Variants in POFUT2 observed in about 807,000 individuals in gnomAD.
POFUT2 encodes the protein protein O-fucosyltransferase 2, also known as GDP-fucose protein O-fucosyltransferase 2.
POFUT2 carries 30 observed loss-of-function variants against 55.0 expected under a neutral mutation model. The observed-to-expected ratio is 0.55, with a 90% CI of 0.41 to 0.74. The LOEUF is 0.74. Among genes scored for constraint, POFUT2 ranks in the 30% least tolerant of loss-of-function variants. The pLI is 0.00. For missense variants in POFUT2, 524 were observed against 562.6 expected (o/e 0.93, Z 0.69); for synonymous variants, 267 against 231.1 (o/e 1.16, Z -1.41).
chr21:45,277,326 AT>A lies in POFUT2; in HGVS notation c.706-185del. On this transcript the variant is annotated intron_variant, in intron 5 of 8. Coordinates refer to ENST00000349485, the MANE Select transcript of POFUT2 (RefSeq NM_133635.6). This position sits in a 1 kb window ranked among gnomAD's most constrained non-coding sequence, Gnocchi z 6.9. ...TGGAGGCTCTTGGAGGGTCTCCTGC[AT>A]GAAGCCAACGCAGGGCAAGCCGCCC... 1.3e-6 allele frequency: 1 copy of A among 778,458 alleles called. No individual in the cohort carries two copies. Among genetic ancestry groups the A allele is most frequent in the Admixed American group, 3.0e-5 (1 of 33,072 alleles). The allele number at this position is 778,458 out of a possible 1,614,324, so 48.2% of individuals were successfully genotyped here. A position where few individuals can be genotyped will look rare whatever the true frequency, so the allele number is the denominator to read the frequency against.
At chr21:45,287,657 C>A (rs564063734) in intron 1 of POFUT2, 84 bp downstream of exon 1, 2 of 1,099,376 alleles carry the variant, frequency 1.8e-6, no homozygotes, top group Admixed American at 3.9e-5. Flanking sequence ...CTCCCTGGCC[C>A]CTGACCCCGC....
chr21:45,278,184 C>A lies in POFUT2; in HGVS notation c.639-15G>T, dbSNP rs2146620032. On this transcript the variant is annotated splice_polypyrimidine_tract_variant and intron_variant, in intron 4 of 8. Coordinates refer to ENST00000349485, the MANE Select transcript of POFUT2 (RefSeq NM_133635.6). ...ACATCACGGACCTGTTTTTAAACAA[C>A]AGAAGAATAAACAGTTATAAGAGTT... is the stretch of plus-strand genomic sequence containing the variant. 1 of 1,602,400 alleles carries A rather than the reference C, an allele frequency of 6.2e-7. No homozygotes were observed. The highest frequency in any genetic ancestry group is 1.3e-5 in the African/African-American group (1 of 74,764).
chr21:45,274,320 A>G (rs1226456371), intron 6 of POFUT2, among the ~76,000 whole-genome samples: 2 of 152,192 alleles, frequency 1.3e-5, no homozygotes, highest in Admixed American at 1.3e-4. Context: ...ATAGACAACA[A>G]AAACTAATGG....
intron 4 of POFUT2, among the ~76,000 whole-genome samples, chr21:45,280,551 C>T (rs1259941305): frequency 6.6e-6 from 1 of 152,206 alleles, no homozygotes; most frequent in Non-Finnish European, 1.5e-5. Flanking sequence ...GCAGGCCTGT[C>T]CTCCCGACAG....
intron 5 of POFUT2, 61 bp downstream of exon 5, chr21:45,278,041 CA>C: frequency 1.5e-5 from 20 of 1,299,164 alleles, no homozygotes; most frequent in Middle Eastern, 3.8e-4. Flanking sequence ...TTTAAATTTT[CA>C]AAAGCTAAAT....
In POFUT2 at chr21:45,277,276, G is replaced by T. The variant is rs773232446; in HGVS notation, c.706-134C>A. The T allele has an allele frequency of 1.6e-5, 19 of 1,210,936 alleles. No individual in the cohort carries two copies. The highest frequency in any genetic ancestry group is 2.0e-5 in the Non-Finnish European group (18 of 883,828). The allele number at this position is 1,210,936 out of a possible 1,614,324, so 75.0% of individuals were successfully genotyped here. A position where few individuals can be genotyped will look rare whatever the true frequency, so the allele number is the denominator to read the frequency against. The stretch of plus-strand genomic sequence containing the variant: ...CCCCTCAGACACGTCATCCACGGTC[G>T]CCTGAGAAGCAGCGCCATCCACGGT... On this transcript the variant is annotated intron_variant, in intron 5 of 8. Coordinates refer to ENST00000349485, the MANE Select transcript of POFUT2 (RefSeq NM_133635.6). The surrounding 1 kb of genome is among the most constrained non-coding windows in gnomAD (Gnocchi z 6.9).
rs1261414867 is a variant in POFUT2, at chr21:45,264,949, AAC to A, written c.*531_*532del. On this transcript the variant is annotated 3_prime_UTR_variant, in exon 9 of 9. Transcript: ENST00000349485. ...CTGCCTTGCACGCATCCCAGGAGGA[AAC>A]ACACAGGCAGCCTCCTGCTGCGCGG... The A allele has an allele frequency of 2.0e-5, 3 of 152,784 alleles. No homozygotes were observed. In the East Asian group the frequency reaches 5.8e-4, roughly 30 times the overall value. The allele number at this position is 152,784 out of a possible 1,614,324, so 9.5% of individuals were successfully genotyped here. A position where few individuals can be genotyped will look rare whatever the true frequency, so the allele number is the denominator to read the frequency against.
At chr21:45,268,910 G>T (rs1209950005) in intron 7 of POFUT2, among the ~76,000 whole-genome samples, 1 of 106,264 alleles carries the variant, frequency 9.4e-6, no homozygotes, top group Non-Finnish European at 2.0e-5. Context: ...GGAGGGAGGT[G>T]GGGGGGTCAG....
rs1191710208 is a variant in POFUT2 at position 45,287,861 on chromosome 21, A to G, written c.11T>C (p.Leu4Pro). 3 of 1,395,506 alleles carry G rather than the reference A, an allele frequency of 2.1e-6. No homozygotes were observed. The highest frequency in any genetic ancestry group is 1.9e-6 in the Non-Finnish European group (2 of 1,065,610). The allele number at this position is 1,395,506 out of a possible 1,614,324, so 86.4% of individuals were successfully genotyped here. ...CCCCAGCAGCAGGAAGACGAAGCTG[A>G]GTGTCGCCATGGCCCCGGGCGGCCA... is the stretch of plus-strand genomic sequence containing the variant. MAT[L>P]SFVFLLLGAV... is the part of the protein sequence containing the mutation. The change falls in exon 1 of 9, where the codon CTC becomes CCC. Residue 4 changes from leucine to proline, a missense_variant. By Grantham distance (98) the Leu-to-Pro change is moderately conservative. Coordinates refer to ENST00000349485, the MANE Select transcript of POFUT2 (RefSeq NM_133635.6).
At chr21:45,268,955 G>A (rs2093189723) in intron 7 of POFUT2, among the ~76,000 whole-genome samples, 1 of 104,842 alleles carries the variant, frequency 9.5e-6, no homozygotes, top group Non-Finnish European at 2.0e-5. Context: ...TCCGGGAGGT[G>A]AGGGGCGCCT....
chr21:45,267,828 G>T lies in POFUT2; in HGVS notation c.1013-115C>A. ...CTTCTGGTTAATTCGTTAGGAACTG[G>T]CTCCAAAGGTGCAGACACACAACTC... On this transcript the variant is annotated intron_variant, in intron 7 of 8. Transcript: ENST00000349485. The surrounding 1 kb of genome is among the most constrained non-coding windows in gnomAD (Gnocchi z 4.4). 1 of 882,680 alleles carries T rather than the reference G, an allele frequency of 1.1e-6. No homozygotes were observed. Among genetic ancestry groups the T allele is most frequent in the Non-Finnish European group, 1.8e-6 (1 of 553,206 alleles). 54.7% of individuals were successfully genotyped at this position (882,680 alleles called of 1,614,324 possible). A position where few individuals can be genotyped will look rare whatever the true frequency, so the allele number is the denominator to read the frequency against.
At position 45,285,781 on chromosome 21, in the gene POFUT2, C is replaced by G. The variant is rs2031328375; in HGVS notation, c.279G>C (p.Gln93His). 1 of 1,613,832 alleles carries G rather than the reference C, an allele frequency of 6.2e-7. No homozygotes were observed. Residue 93 changes from glutamine to histidine, a missense_variant, in exon 2 of 9, where the codon CAG becomes CAC. Transcript: ENST00000349485. This position sits in a 1 kb window ranked among gnomAD's most constrained non-coding sequence, Gnocchi z 4.9. ...LPPWGRLYHWQSPDIHQVRIP... is the reference protein window; with the variant it reads ...LPPWGRLYHWHSPDIHQVRIP... The stretch of plus-strand genomic sequence containing the variant: ...TCCGGACCTGGTGGATGTCAGGACT[C>G]TGCCAGTGATAGAGGCGGCCCCATG...
Position 45,285,771 on chromosome 21 carries a change from T to G in POFUT2, c.289A>C (p.Ile97Leu), listed in dbSNP as rs1391741444. 2 of 1,613,550 alleles carry G rather than the reference T, an allele frequency of 1.2e-6. No homozygotes were observed. The highest frequency in any genetic ancestry group is 2.7e-5 in the African/African-American group (2 of 74,912). Residue 97 changes from isoleucine (I) to leucine (L), a missense_variant, in exon 2 of 9, where the codon ATC (isoleucine) becomes CTC (leucine). This residue lies in a region of POFUT2 where 274 missense variants were observed against 244.4 expected (regional missense o/e 1.12). Coordinates refer to ENST00000349485, the MANE Select transcript of POFUT2 (RefSeq NM_133635.6). The surrounding 1 kb of genome is among the most constrained non-coding windows in gnomAD (Gnocchi z 4.9). ...GRLYHWQSPD[I>L]HQVRIPWSEF... ...GACCAGGGAATCCGGACCTGGTGGATGTCAGGACTCTGCCAGTGATAGAGG... is the reference window on the plus strand; with the variant it reads ...GACCAGGGAATCCGGACCTGGTGGAGGTCAGGACTCTGCCAGTGATAGAGG...
chr21:45,279,235 C>CAA (rs889892909), intron 4 of POFUT2, among the ~76,000 whole-genome samples: 1 of 151,866 alleles, frequency 6.6e-6, no homozygotes, highest in Non-Finnish European at 1.5e-5. Context: ...ACTAAAAATA[C>CAA]AAAAAAATTA....
rs62214407 is a variant in POFUT2, at chr21:45,286,535, A to G, written c.132-607T>C. 1.1e-3 allele frequency among the ~76,000 whole-genome samples: 161 copies of G among 152,322 alleles called. 1 individual carries two copies. The highest frequency in any genetic ancestry group is 2.5e-3 in the South Asian group (12 of 4,824). ...TCACAGATCAAGTGGTTTCTAGGAA[A>G]ACTCCACAGTGCATTCATGAGAAGT... On this transcript the variant is annotated intron_variant, in intron 1 of 8. Transcript: ENST00000349485.
At chr21:45,278,036 A>G (rs1017092463) in intron 5 of POFUT2, 67 bp downstream of exon 5, 5 of 1,267,942 alleles carry the variant, frequency 3.9e-6, no homozygotes, top group Non-Finnish European at 5.8e-6. Flanking sequence ...ACTGTTTTAA[A>G]TTTTCAAAAG....
rs754389410 is a variant in POFUT2, at chr21:45,282,420, G to A, written c.567C>T (p.Asn189=). 1.9e-5 allele frequency: 30 copies of A among 1,612,664 alleles called. No individual in the cohort carries two copies. Among genetic ancestry groups the A allele is most frequent in the East Asian group, 8.9e-5 (4 of 44,890 alleles). ...FWGYEETRGL[N]VSCLSVQGSA... is the part of the protein sequence containing the mutation. ...AGCCCTGGACGGACAGACAGGAGAC[G>A]TTTAGACCCCTGGTCTCCTCATAAC... Residue 189 remains asparagine (N), a synonymous_variant, in exon 4 of 9, where the codon AAC becomes AAT. Transcript: ENST00000349485. This position sits in a 1 kb window ranked among gnomAD's most constrained non-coding sequence, Gnocchi z 4.6.
In POFUT2 at chr21:45,283,542, GA is replaced by G; in HGVS notation, c.383-16del. 1 of 1,612,946 alleles carries G rather than the reference GA, an allele frequency of 6.2e-7. No homozygotes were observed. Among genetic ancestry groups the G allele is most frequent in the Non-Finnish European group, 8.5e-7 (1 of 1,179,460 alleles). On this transcript the variant is annotated splice_polypyrimidine_tract_variant and intron_variant, in intron 2 of 8. Coordinates refer to ENST00000349485, the MANE Select transcript of POFUT2 (RefSeq NM_133635.6). Reference sequence around the variant, plus strand: ...CCCACCAGATTCTGAAAGACACCAAGAAAAGCCAGGCAGTGTGACAGCGATC... The same window carrying G: ...CCCACCAGATTCTGAAAGACACCAAGAAAGCCAGGCAGTGTGACAGCGATC...
chr21:45,285,871 A>G lies in POFUT2; in HGVS notation c.189T>C (p.Tyr63=), dbSNP rs139450505. Residue 63 remains tyrosine, a synonymous_variant, in exon 2 of 9, where the codon TAT becomes TAC. Transcript: ENST00000349485. This position sits in a 1 kb window ranked among gnomAD's most constrained non-coding sequence, Gnocchi z 4.9. ...PEGFNLRRDV[Y]IRIASLLKTL... is the part of the protein sequence containing the mutation. ...TCTTCAGGAGAGAGGCGATTCGGAT[A>G]TAGACATCCCTGCGCAGGTTGAAGC... is the stretch of plus-strand genomic sequence containing the variant. 156 of 1,613,040 alleles carry G rather than the reference A, an allele frequency of 9.7e-5. No individual in the cohort carries two copies. The African/African-American group carries it at 2.0e-3, about 20-fold the overall frequency.
Sources: gnomAD v4.1 joint callset for allele counts (sites outside exome capture counted in the v4.1 genomes callset) on GRCh38, gnomAD v4.1.1 for gene constraint, gnomAD v4.1.1 regional missense constraint, Gnocchi (gnomAD v3.1) non-coding constraint, MANE v1.5 for transcripts, NCBI Gene and HGNC (gene_info 2026-07-23, HGNC 2026-07-21) for gene names.